The following TENM1 variants were observed in gnomAD, a reference collection of about 807,000 sequenced individuals.
TENM1 encodes the protein teneurin-1.
In TENM1, 35 loss-of-function variants were observed where a neutral mutation model predicts 174.8. That is an observed-to-expected ratio of 0.20 (90% CI 0.15 to 0.27). The LOEUF (loss-of-function observed/expected upper bound fraction) is 0.27, where lower values mean the gene tolerates loss of function less well. Ranked by LOEUF, TENM1 falls within the 10% of genes least tolerant of loss-of-function variation. The pLI is 1.00. For missense variants in TENM1, 1,633 were observed against 2,130.1 expected (o/e 0.77, Z 4.59); for synonymous variants, 781 against 798.7 (o/e 0.98, Z 0.37).
chrX:124,878,714 C>G (rs2057251179), intron 3 of TENM1, among the ~76,000 whole-genome samples: 1 of 111,326 alleles, frequency 9.0e-6, no homozygotes, highest in African/African-American at 3.3e-5. Context: ...GTAAATTACC[C>G]AGCCTCAGGT....
chrX:125,003,747 A>T, the TENM1 span, among the ~76,000 whole-genome samples: 1 of 111,872 alleles, frequency 8.9e-6, no homozygotes, highest in Admixed American at 9.5e-5. Flanking sequence ...TGCTTCAGGC[A>T]TGGGGATAGA....
chrX:124,745,556 C>G (rs1241897237), intron 3 of TENM1, among the ~76,000 whole-genome samples: 1 of 111,128 alleles, frequency 9.0e-6, no homozygotes, highest in Non-Finnish European at 1.9e-5. Flanking sequence ...TAGTGCCACT[C>G]TCACTGAGTT....
At position 124,612,092 on chromosome X, in the gene TENM1, T is replaced by C. The variant is rs1257922994; in HGVS notation, c.2077+29699A>G. On this transcript the variant is annotated intron_variant, in intron 11 of 31. Coordinates refer to ENST00000422452, the Ensembl canonical transcript of TENM1. Reference sequence around the variant, plus strand: ...GATGAGGAAGGTAATTCAGTATCACTAGTTTTTACGAAGAACATTTTCAAT... The same window carrying C: ...GATGAGGAAGGTAATTCAGTATCACCAGTTTTTACGAAGAACATTTTCAAT... 3.6e-5 allele frequency among the ~76,000 whole-genome samples: 4 copies of C among 112,183 alleles called. No individual in the cohort carries two copies. The Admixed American group carries it at 3.8e-4, about 11-fold the overall frequency.
the TENM1 span, among the ~76,000 whole-genome samples, chrX:125,075,326 C>T: frequency 1.8e-5 from 2 of 111,485 alleles, no homozygotes; most frequent in East Asian, 2.8e-4. Flanking sequence ...AACTTCATTC[C>T]GTTTTATGGC....
intron 11 of TENM1, among the ~76,000 whole-genome samples, chrX:124,621,746 A>T (rs1336397243): frequency 1.8e-5 from 2 of 111,990 alleles, no homozygotes; most frequent in Non-Finnish European, 3.8e-5. Flanking sequence ...TCAACTTGTA[A>T]TGTTGAAAAA....
At chrX:125,137,048 G>C in the TENM1 span, among the ~76,000 whole-genome samples, 1 of 111,607 alleles carries the variant, frequency 9.0e-6, no homozygotes, top group African/African-American at 3.3e-5. Context: ...TTGAACAAAT[G>C]AGCAATGTGG....
the TENM1 span, among the ~76,000 whole-genome samples, chrX:125,081,630 T>C: frequency 3.0e-4 from 33 of 111,368 alleles, no homozygotes; most frequent in East Asian, 7.9e-3. Context: ...AGAACTACCA[T>C]TGGAGCCAGC....
At chrX:124,992,931 T>C in the TENM1 span, among the ~76,000 whole-genome samples, 1 of 110,992 alleles carries the variant, frequency 9.0e-6, no homozygotes, top group African/African-American at 3.3e-5. Context: ...TTAGTGATTT[T>C]CAGCAAACTT....
At chrX:124,909,557 G>A (rs922754770) in intron 1 of TENM1, among the ~76,000 whole-genome samples, 5 of 112,126 alleles carry the variant, frequency 4.5e-5, no homozygotes, top group African/African-American at 1.6e-4. Flanking sequence ...TTCTATATGA[G>A]TTTAATGCAT....
the TENM1 span, among the ~76,000 whole-genome samples, chrX:125,109,837 T>C: frequency 1.8e-5 from 2 of 111,372 alleles, no homozygotes; most frequent in African/African-American, 6.5e-5. Context: ...AGAGAGGAAA[T>C]AGTCGGGCTC....
chrX:124,966,956 G>A (rs1228776910), upstream of TENM1, among the ~76,000 whole-genome samples: 1 of 111,341 alleles, frequency 9.0e-6, no homozygotes, highest in East Asian at 2.9e-4. Flanking sequence ...GAGAGAACGT[G>A]GAAATGCATA....
intron 3 of TENM1, among the ~76,000 whole-genome samples, chrX:124,757,609 T>C (rs1184179817): frequency 8.9e-6 from 1 of 112,472 alleles, no homozygotes; most frequent in East Asian, 2.8e-4. Flanking sequence ...AGCTGTAGAC[T>C]GGAGATGTTC....
the TENM1 span, among the ~76,000 whole-genome samples, chrX:125,130,706 T>C: frequency 9.0e-6 from 1 of 111,067 alleles, no homozygotes; most frequent in African/African-American, 3.3e-5. Flanking sequence ...ACTTAAAAGT[T>C]GAATTTAAAA....
chrX:124,546,775 G>A, intron 15 of TENM1, 99 bp downstream of exon 18: 3 of 708,001 alleles, frequency 4.2e-6, no homozygotes, highest in Non-Finnish European at 4.3e-6. Flanking sequence ...GGATTATGTG[G>A]AATGGGAAGT....
the TENM1 span, among the ~76,000 whole-genome samples, chrX:125,053,690 T>C: frequency 9.0e-6 from 1 of 111,509 alleles, no homozygotes; most frequent in South Asian, 3.8e-4. Context: ...TTGGAAGACA[T>C]ATTAAACATT....
chrX:124,981,633 C>T, the TENM1 span, among the ~76,000 whole-genome samples: 17 of 111,104 alleles, frequency 1.5e-4, no homozygotes, highest in Non-Finnish European at 3.0e-4. Context: ...CCCATGGGAG[C>T]GTGGACTTGG....
the TENM1 span, among the ~76,000 whole-genome samples, chrX:125,118,555 C>T: frequency 1.5e-4 from 17 of 110,938 alleles, 1 homozygote; most frequent in Middle Eastern, 4.7e-3. Flanking sequence ...AAGACTCTTA[C>T]GACTCAATAA....
chrX:124,436,277 G>A lies in TENM1; in HGVS notation c.4105-13639C>T, dbSNP rs761552881. Among the ~76,000 whole-genome samples the A allele has an allele frequency of 4.3e-4, 48 of 111,051 alleles. 1 individual carries two copies. Among genetic ancestry groups the A allele is most frequent in the Non-Finnish European group, 7.7e-4 (41 of 52,968 alleles). ...TCTTTTGCCAGCTAGATTTCTGATA[G>A]GTCCTGACGATACAGAAAATAAAGA... On this transcript the variant is annotated intron_variant, in intron 23 of 31. Transcript: ENST00000422452.
intron 27 of TENM1, among the ~76,000 whole-genome samples, chrX:124,403,248 C>T (rs1445902570): frequency 5.4e-5 from 6 of 110,510 alleles, no homozygotes; most frequent in South Asian, 3.8e-4. Flanking sequence ...TGGCCGGGCA[C>T]GGTGGCTCAT....
Sources: allele counts gnomAD v4.1 joint callset (sites outside exome capture counted in the v4.1 genomes callset), GRCh38; gene constraint gnomAD v4.1.1; transcripts MANE v1.5; gene names NCBI Gene and HGNC (gene_info 2026-07-23, HGNC 2026-07-21).